Variants in PLEKHG5 observed in about 807,000 individuals in gnomAD.
The protein encoded by PLEKHG5 is pleckstrin homology and RhoGEF domain containing G5.
A neutral mutation model predicts 103.8 loss-of-function variants in PLEKHG5; 52 were observed. That is an observed-to-expected ratio of 0.50 (90% CI 0.40 to 0.63). PLEKHG5 has a LOEUF of 0.63. Among genes scored for constraint, PLEKHG5 ranks in the 30% least tolerant of loss-of-function variants. The probability of loss-of-function intolerance (pLI) is 0.00; values close to 1 mark genes in which losing one functional copy is unlikely to be tolerated. For missense variants in PLEKHG5, 1,205 were observed against 1,347.6 expected, an observed-to-expected ratio of 0.89 and a Z score of 1.66; for synonymous variants, 592 against 575.5, an observed-to-expected ratio of 1.03 and a Z score of -0.41.
At chr1:6,510,177 C>T (rs553374276) in intron 1 of PLEKHG5, among the ~76,000 whole-genome samples, 1 of 152,202 alleles carries the variant, frequency 6.6e-6, no homozygotes, top group Non-Finnish European at 1.5e-5. Context: ...GCTGCAGAGC[C>T]CCATTATGTA....
chr1:6,509,713 G>A (rs781636874), intron 1 of PLEKHG5, among the ~76,000 whole-genome samples: 2 of 152,210 alleles, frequency 1.3e-5, no homozygotes, highest in Non-Finnish European at 2.9e-5. Context: ...GCTTGGTTCA[G>A]GGTTAGGCTT....
upstream of PLEKHG5, among the ~76,000 whole-genome samples, chr1:6,500,050 C>T (rs923525286): frequency 6.6e-5 from 10 of 152,172 alleles, no homozygotes; most frequent in African/African-American, 2.4e-4. Context: ...GATCCTCCTG[C>T]CTTGGCCTCC....
At chr1:6,469,886 A>G (rs1644516215) in intron 16 of PLEKHG5, among the ~76,000 whole-genome samples, 1 of 152,246 alleles carries the variant, frequency 6.6e-6, no homozygotes, top group Non-Finnish European at 1.5e-5. Context: ...CATTAAAAAG[A>G]AGACTGGTGA....
chr1:6,495,609 C>A (rs1286403337), upstream of PLEKHG5, among the ~76,000 whole-genome samples: 1 of 152,222 alleles, frequency 6.6e-6, no homozygotes, highest in Non-Finnish European at 1.5e-5. Flanking sequence ...AGAATAAGGA[C>A]AGGACCATCT....
At chr1:6,489,747 G>A (rs554869795) in intron 1 of PLEKHG5, among the ~76,000 whole-genome samples, 8 of 152,320 alleles carry the variant, frequency 5.3e-5, no homozygotes, top group Non-Finnish European at 1.2e-4. Flanking sequence ...TTCCCCTACT[G>A]GGCCTCAATT....
At chr1:6,509,332 G>A (rs1203621697) in intron 1 of PLEKHG5, among the ~76,000 whole-genome samples, 1 of 152,254 alleles carries the variant, frequency 6.6e-6, no homozygotes, top group South Asian at 2.1e-4. Flanking sequence ...CTAAAGACAA[G>A]GGCCCGCTTC....
intron 1 of PLEKHG5, chr1:6,485,248 C>G: frequency 9.9e-7 from 1 of 1,009,568 alleles, no homozygotes; most frequent in Non-Finnish European, 1.3e-6. Context: ...CCTCCCTGGC[C>G]TCCCGCACAG....
intron 1 of PLEKHG5, among the ~76,000 whole-genome samples, chr1:6,489,807 C>CCAG (rs1392118305): frequency 5.9e-5 from 9 of 152,218 alleles, no homozygotes; most frequent in African/African-American, 2.2e-4. Flanking sequence ...GGGATGGCTG[C>CCAG]CAGGTCCTAG....
chr1:6,478,688 G>C (rs548532023), intron 1 of PLEKHG5, among the ~76,000 whole-genome samples: 1 of 152,060 alleles, frequency 6.6e-6, no homozygotes, highest in East Asian at 1.9e-4. Context: ...CTGTTGCCCA[G>C]GCTGGAGTGC....
chr1:6,499,472 C>T (rs940730902), upstream of PLEKHG5, among the ~76,000 whole-genome samples: 2 of 152,226 alleles, frequency 1.3e-5, no homozygotes, highest in African/African-American at 2.4e-5. Context: ...CTGGTCCTGG[C>T]TCCCCTGGGA....
chr1:6,471,858 C>T, intron 10 of PLEKHG5, 50 bp from the exon 11 acceptor site: 1 of 1,545,066 alleles, frequency 6.5e-7, no homozygotes, highest in Non-Finnish European at 8.8e-7. Context: ...TGTCTCAGCC[C>T]TAGGGCCCCA....
intron 1 of PLEKHG5, among the ~76,000 whole-genome samples, chr1:6,506,452 G>C (rs2148634063): frequency 6.6e-6 from 1 of 152,366 alleles, no homozygotes; most frequent in Non-Finnish European, 1.5e-5. Flanking sequence ...GAGGAGACGG[G>C]CTGGCCGTCT....
rs202191898 is a variant in PLEKHG5 at position 6,468,378 on chromosome 1, C to T, written c.2458G>A (p.Gly820Ser). 915 of 1,609,750 alleles carry T rather than the reference C, an allele frequency of 5.7e-4. 10 individuals are homozygous for T. The South Asian group carries it at 9.1e-3, about 16-fold the overall frequency. The change falls in exon 20 of 21, where the codon GGC becomes AGC. Residue 820 changes from glycine (G) to serine (S), a missense_variant. Transcript: ENST00000377728. ...TGTAAGGAGGTTGGGGAGAGGGTGC[C>T]GTAGGCAGAGTCCATGGAGCAGGAG... Reference protein sequence around the residue: ...GRSCSMDSAYGTLSPTSLQDF... With the variant: ...GRSCSMDSAYSTLSPTSLQDF...
intron 1 of PLEKHG5, chr1:6,485,226 T>A (rs1644998690): frequency 1.2e-6 from 1 of 817,130 alleles, no homozygotes; most frequent in Non-Finnish European, 1.7e-6. Context: ...GGGCCCATAG[T>A]CACGGGCACC....
chr1:6,468,924 CCA>C, intron 19 of PLEKHG5, 116 bp downstream of exon 19: 1 of 896,472 alleles, frequency 1.1e-6, no homozygotes. Flanking sequence ...AGCCCCGCTC[CCA>C]CAGTGTTCAT....
chr1:6,468,578 T>A lies in PLEKHG5; in HGVS notation c.2258A>T (p.Asp753Val). ...GSPDSQHCAS[D>V]GSTETLAMVV... ...CATGGCCAGGGTCTCCGTGGAGCCA[T>A]CTGAGGCACTGTGGGGCCAGGAGCA... The change falls in exon 20 of 21, where the codon GAT (aspartate) becomes GTT (valine). Residue 753 changes from aspartate (D) to valine (V), a missense_variant. Transcript: ENST00000377728. 12 of 1,612,912 alleles carry A rather than the reference T, an allele frequency of 7.4e-6. No individual in the cohort carries two copies. Among genetic ancestry groups the A allele is most frequent in the Non-Finnish European group, 1.0e-5 (12 of 1,179,950 alleles).
rs777414805 is a variant in PLEKHG5 at position 6,473,157 on chromosome 1, C to T, written c.813G>A (p.Glu271=). ...SAFGREVDKM[E]QLEGKLHTYS... The stretch of plus-strand genomic sequence containing the variant: ...AGGTGTGCAGCTTGCCCTCCAGCTG[C>T]TCCATCTTGTCTACCTCCTGGAAAG... Residue 271 remains glutamate (E), a synonymous_variant, in exon 9 of 21, where the codon GAG becomes GAA. Transcript: ENST00000377728. 39 of 1,613,828 alleles carry T rather than the reference C, an allele frequency of 2.4e-5. No homozygotes were observed. The highest frequency in any genetic ancestry group is 3.1e-5 in the Non-Finnish European group (37 of 1,180,024).
intron 1 of PLEKHG5, among the ~76,000 whole-genome samples, chr1:6,514,357 C>T (rs768585651): frequency 1.3e-4 from 20 of 150,800 alleles, no homozygotes; most frequent in African/African-American, 3.7e-4. Context: ...CAGGAGGCTA[C>T]GGAAGAGGAT....
chr1:6,485,518 C>A (rs1645010487), intron 1 of PLEKHG5: 2 of 1,223,890 alleles, frequency 1.6e-6, no homozygotes, highest in Non-Finnish European at 2.0e-6. Flanking sequence ...CATTGTGCGG[C>A]CGCGCCCGCC....
Sources: gnomAD v4.1 joint callset for allele counts (sites outside exome capture counted in the v4.1 genomes callset) on GRCh38, gnomAD v4.1.1 for gene constraint, MANE v1.5 for transcripts, NCBI Gene and HGNC (gene_info 2026-07-23, HGNC 2026-07-21) for gene names.